The following RAD51B variants were observed in gnomAD, a reference collection of about 807,000 sequenced individuals.
The protein encoded by RAD51B is RAD51 paralog B.
RAD51B carries 38 observed loss-of-function variants against 42.2 expected under a neutral mutation model. That is an observed-to-expected ratio of 0.90 (90% CI 0.70 to 1.18). RAD51B has a LOEUF of 1.18. Among genes scored for constraint, RAD51B ranks in the 50% most tolerant of loss-of-function variants. The pLI is 0.00. For synonymous variants in RAD51B, 154 were observed against 145.2 expected, an observed-to-expected ratio of 1.06 and a Z score of -0.43; for missense variants, 373 against 400.7, an observed-to-expected ratio of 0.93 and a Z score of 0.59.
At position 67,887,173 on chromosome 14, in the gene RAD51B, T is replaced by C; in HGVS notation, c.725T>C (p.Leu242Ser). Residue 242 changes from leucine to serine, a missense_variant, in exon 7 of 11, where the codon TTG (leucine) becomes TCG (serine). Transcript: ENST00000471583. The stretch of plus-strand genomic sequence containing the variant: ...TTCTTGGCAAGAGAGGCATCCTCCT[T>C]GAAGTATTTGGCTGAGGAGTTTTCA... ...NKFLAREASS[L>S]KYLAEEFSIP... 1.9e-6 allele frequency: 3 copies of C among 1,611,582 alleles called. No homozygotes were observed. Among genetic ancestry groups the C allele is most frequent in the Non-Finnish European group, 1.7e-6 (2 of 1,178,688 alleles).
At chr14:68,355,663 T>G (rs992061078) in intron 8 of RAD51B, among the ~76,000 whole-genome samples, 2 of 152,202 alleles carry the variant, frequency 1.3e-5, no homozygotes, top group South Asian at 4.1e-4. Context: ...TGTTTTCTAG[T>G]TTTAAAATGA....
chr14:68,481,895 T>C (rs10135247), downstream of RAD51B, among the ~76,000 whole-genome samples: 20,364 of 152,198 alleles, frequency 0.13, 1,636 homozygotes, highest in East Asian at 0.47. Context: ...AGTTTGATCT[T>C]CTACTCTGAG....
chr14:68,420,633 G>A (rs188590746), intron 9 of RAD51B, among the ~76,000 whole-genome samples: 110 of 152,262 alleles, frequency 7.2e-4, no homozygotes, highest in East Asian at 2.7e-3. Flanking sequence ...TATAATTAGC[G>A]TATAATGAGC....
chr14:68,613,403 A>C (rs1192804312), downstream of RAD51B, among the ~76,000 whole-genome samples: 1 of 149,304 alleles, frequency 6.7e-6, no homozygotes, highest in African/African-American at 2.4e-5. Flanking sequence ...GGGCAACAAT[A>C]GCAAAACTCT....
chr14:68,144,291 T>C (rs1223438160), intron 7 of RAD51B, among the ~76,000 whole-genome samples: 2 of 152,204 alleles, frequency 1.3e-5, no homozygotes, highest in African/African-American at 4.8e-5. Context: ...ACAGAGCTTG[T>C]CTGCATATGT....
At chr14:68,356,797 CGGT>C (rs1461911277) in intron 8 of RAD51B, among the ~76,000 whole-genome samples, 1 of 144,260 alleles carries the variant, frequency 6.9e-6, no homozygotes, top group Non-Finnish European at 1.5e-5. Flanking sequence ...CCGGCTAAAA[CGGT>C]GAAACCCCGT....
chr14:68,230,576 T>C (rs1453620032), intron 7 of RAD51B, among the ~76,000 whole-genome samples: 1 of 152,172 alleles, frequency 6.6e-6, no homozygotes, highest in Non-Finnish European at 1.5e-5. Context: ...CAAGCACTTT[T>C]GGTGTTCCTA....
At chr14:68,128,131 AACCTTCTGAACATGGC>A (rs1215289202) in intron 7 of RAD51B, among the ~76,000 whole-genome samples, 1 of 152,230 alleles carries the variant, frequency 6.6e-6, no homozygotes, top group Non-Finnish European at 1.5e-5. Flanking sequence ...GAAATGTAGA[AACCTTCTGAACATGGC>A]AGTATTTAGA....
intron 7 of RAD51B, among the ~76,000 whole-genome samples, chr14:67,983,471 A>G (rs528849840): frequency 6.6e-6 from 1 of 152,354 alleles, no homozygotes; most frequent in East Asian, 1.9e-4. Flanking sequence ...TGAGGTACAA[A>G]TATACCATTT....
intron 7 of RAD51B, among the ~76,000 whole-genome samples, chr14:67,995,037 T>C (rs1217072938): frequency 6.6e-6 from 1 of 152,146 alleles, no homozygotes; most frequent in Non-Finnish European, 1.5e-5. Context: ...TATGATTCCA[T>C]TTATATGTGG....
chr14:68,465,260 G>A (rs557434241), intron 9 of RAD51B, among the ~76,000 whole-genome samples: 1 of 152,154 alleles, frequency 6.6e-6, no homozygotes, highest in Non-Finnish European at 1.5e-5. Context: ...TTGATCTAAA[G>A]GATTTACGTT....
At chr14:68,521,972 G>C (rs751675079) in intron 10 of RAD51B, among the ~76,000 whole-genome samples, 1 of 152,314 alleles carries the variant, frequency 6.6e-6, no homozygotes. Context: ...TCACAGCAAC[G>C]CTATAAGGTT....
chr14:68,174,995 C>G (rs1463215159), intron 7 of RAD51B, among the ~76,000 whole-genome samples: 1 of 152,094 alleles, frequency 6.6e-6, no homozygotes, highest in Non-Finnish European at 1.5e-5. Flanking sequence ...GAGAAAGGAA[C>G]AGAATGTTCT....
chr14:68,361,774 C>T (rs1020936866), intron 8 of RAD51B, among the ~76,000 whole-genome samples: 1 of 152,140 alleles, frequency 6.6e-6, no homozygotes, highest in African/African-American at 2.4e-5. Flanking sequence ...GTCCCAGGTT[C>T]GAGAGATTCT....
At chr14:68,364,332 A>G (rs2083095692) in intron 8 of RAD51B, among the ~76,000 whole-genome samples, 1 of 152,126 alleles carries the variant, frequency 6.6e-6, no homozygotes, top group Non-Finnish European at 1.5e-5. Flanking sequence ...GGGGAGGGCC[A>G]ATTTAGAGGA....
Position 67,893,467 on chromosome 14 carries a change from GACACACACACAC to G in RAD51B, c.756+6295_756+6306del, listed in dbSNP as rs756541648. Among the ~76,000 whole-genome samples, 383 of 111,298 alleles carry G rather than the reference GACACACACACAC, an allele frequency of 3.4e-3. 21 individuals carry two copies. The highest frequency in any genetic ancestry group is 4.2e-3 in the Non-Finnish European group (243 of 57,314). 73.0% of individuals were successfully genotyped at this position (111,298 alleles called of 152,430 possible). On this transcript the variant is annotated intron_variant, in intron 7 of 10. Transcript: ENST00000471583. ...TCATCTTCTCACACACACAGACACA[GACACACACACAC>G]ACACACACACACACACACACACACA...
intron 9 of RAD51B, among the ~76,000 whole-genome samples, chr14:68,429,690 C>T (rs1350699991): frequency 3.9e-5 from 6 of 152,116 alleles, no homozygotes; most frequent in African/African-American, 4.8e-5. Context: ...TTCTCCCATT[C>T]TGTAGGTTGC....
intron 10 of RAD51B, among the ~76,000 whole-genome samples, chr14:68,577,669 G>A (rs536226753): frequency 2.6e-5 from 4 of 152,074 alleles, no homozygotes; most frequent in Admixed American, 1.3e-4. Flanking sequence ...CTCCCAGCGC[G>A]CCCAGCCCCT....
At chr14:68,587,220 TG>T (rs1481008575) in intron 10 of RAD51B, among the ~76,000 whole-genome samples, 2 of 152,156 alleles carry the variant, frequency 1.3e-5, no homozygotes, top group African/African-American at 4.8e-5. Flanking sequence ...AGGTTGGGGT[TG>T]GGTTTTCTGG....
Sources: gnomAD v4.1 joint callset for allele counts (sites outside exome capture counted in the v4.1 genomes callset) on GRCh38, gnomAD v4.1.1 for gene constraint, MANE v1.5 for transcripts, NCBI Gene and HGNC (gene_info 2026-07-23, HGNC 2026-07-21) for gene names.